EML6: variants seen among roughly 807,000 people sequenced by gnomAD.
EML6 encodes the protein echinoderm microtubule-associated protein-like 6.
EML6 carries 154 observed loss-of-function variants against 240.1 expected under a neutral mutation model. The observed-to-expected ratio is 0.64, with a 90% CI of 0.56 to 0.73. The LOEUF is 0.73. Ranked by LOEUF, EML6 falls within the 30% of genes least tolerant of loss-of-function variation. The probability of loss-of-function intolerance (pLI) is 0.00; values close to 1 mark genes in which losing one functional copy is unlikely to be tolerated. For missense variants in EML6, 2,964 were observed against 2,474.6 expected (o/e 1.20, Z -4.20); for synonymous variants, 1,148 against 899.0 (o/e 1.28, Z -4.95).
intron 2 of EML6, among the ~76,000 whole-genome samples, chr2:54,728,710 T>C (rs993723517): frequency 1.3e-5 from 2 of 152,172 alleles, no homozygotes; most frequent in African/African-American, 4.8e-5. Context: ...TAAATATTCT[T>C]AGTTGTGGTA....
chr2:54,850,611 A>G (rs1320703798), intron 10 of EML6, among the ~76,000 whole-genome samples: 2 of 152,226 alleles, frequency 1.3e-5, no homozygotes, highest in East Asian at 1.9e-4. Flanking sequence ...GGCAAATCTC[A>G]CATGACCAAT....
chr2:54,810,915 T>C (rs1435029343), intron 2 of EML6, among the ~76,000 whole-genome samples: 1 of 152,166 alleles, frequency 6.6e-6, no homozygotes, highest in African/African-American at 2.4e-5. Flanking sequence ...GGCCATCTTT[T>C]CCCAGGATCA....
intron 2 of EML6, among the ~76,000 whole-genome samples, chr2:54,805,894 G>A (rs868603368): frequency 1.3e-5 from 2 of 152,080 alleles, no homozygotes; most frequent in South Asian, 4.1e-4. Context: ...AGCACTGTCT[G>A]TTGAAAAACA....
chr2:54,847,528 C>T lies in EML6; in HGVS notation c.1092C>T (p.Asn364=), dbSNP rs578042715. The change falls in exon 9 of 42, where the codon AAC becomes AAT. Residue 364 remains asparagine (N), a synonymous_variant. Coordinates refer to ENST00000356458, the MANE Select transcript of EML6 (RefSeq NM_001039753.4). ...LADHALIARC[N]MEEAVRSVAF... is the part of the protein sequence containing the mutation. ...ATCATGCCTTGATCGCCCGCTGTAA[C>T]ATGGAAGAGGCGGTTCGCAGTGTAG... 2.6e-6 allele frequency: 4 copies of T among 1,552,120 alleles called. No homozygotes were observed. The highest frequency in any genetic ancestry group is 4.9e-5 in the East Asian group (2 of 40,920).
chr2:54,882,364 G>T (rs899409170), intron 17 of EML6: 1 of 148,412 alleles, frequency 6.7e-6, no homozygotes, highest in Non-Finnish European at 1.5e-5. Flanking sequence ...TCTTATAGAA[G>T]TAGTTACAGG....
Position 54,964,159 on chromosome 2 carries a change from G to C in EML6, c.5330+1G>C. 1 of 1,551,280 alleles carries C rather than the reference G, an allele frequency of 6.4e-7. No individual in the cohort carries two copies. On this transcript the variant is annotated splice_donor_variant, in intron 37 of 41. Coordinates refer to ENST00000356458, the MANE Select transcript of EML6 (RefSeq NM_001039753.4). LOFTEE classifies it high-confidence loss of function. ...GGAAATCTGCTATCCAAGATATCAG[G>C]TACCTAAGTGGGTGGTCTGGGCATG... is the stretch of plus-strand genomic sequence containing the variant.
chr2:54,845,087 G>C (rs751642220), intron 8 of EML6, among the ~76,000 whole-genome samples: 1 of 152,156 alleles, frequency 6.6e-6, no homozygotes, highest in Non-Finnish European at 1.5e-5. Flanking sequence ...CTGGACTAAA[G>C]CTCACTAGTT....
At chr2:54,765,240 T>C (rs1380108847) in intron 2 of EML6, among the ~76,000 whole-genome samples, 1 of 152,188 alleles carries the variant, frequency 6.6e-6, no homozygotes, top group Non-Finnish European at 1.5e-5. Context: ...AGAAATTACT[T>C]ACAAGGGTAT....
Position 54,829,382 on chromosome 2 carries a change from C to G in EML6, c.752C>G (p.Ala251Gly), listed in dbSNP as rs1218749382. Residue 251 changes from alanine (A) to glycine (G), a missense_variant, in exon 7 of 42, where the codon GCC becomes GGC. Coordinates refer to ENST00000356458, the MANE Select transcript of EML6 (RefSeq NM_001039753.4). ...FSMYACEEGF[A>G]TGGRDGCIRL... ...ATGTATGCTTGTGAAGAAGGCTTTG[C>G]CACTGGTGGGCGAGATGGGTGTATA... 1.2e-5 allele frequency: 18 copies of G among 1,551,744 alleles called. No individual in the cohort carries two copies. The highest frequency in any genetic ancestry group is 1.4e-5 in the Non-Finnish European group (16 of 1,146,910).
chr2:54,937,157 A>T (rs892524536), intron 28 of EML6, among the ~76,000 whole-genome samples: 3 of 151,936 alleles, frequency 2.0e-5, no homozygotes, highest in Admixed American at 2.0e-4. Flanking sequence ...ACATGCCTGT[A>T]ATCCCAGCTA....
chr2:54,752,333 AAG>A (rs1051031452), intron 2 of EML6, among the ~76,000 whole-genome samples: 11 of 152,310 alleles, frequency 7.2e-5, no homozygotes, highest in African/African-American at 2.4e-4. Context: ...ATATATAAAA[AAG>A]TATAAAAATT....
At chr2:54,851,657 C>G (rs978954250) in intron 10 of EML6, among the ~76,000 whole-genome samples, 2 of 152,154 alleles carry the variant, frequency 1.3e-5, no homozygotes, top group Non-Finnish European at 2.9e-5. Context: ...TGTTCATGAC[C>G]TGTTTAGTTC....
intron 2 of EML6, among the ~76,000 whole-genome samples, chr2:54,746,369 G>C (rs1386616615): frequency 2.0e-5 from 3 of 152,236 alleles, no homozygotes; most frequent in African/African-American, 7.2e-5. Context: ...TATCTGCTTT[G>C]ATGGAGCAAC....
At chr2:54,864,154 TAA>T (rs760176895) in intron 13 of EML6, among the ~76,000 whole-genome samples, 7 of 152,198 alleles carry the variant, frequency 4.6e-5, no homozygotes, top group African/African-American at 7.2e-5. Context: ...CCCTAGCACC[TAA>T]AACTTTAAAA....
At chr2:54,921,907 C>A (rs1674276725) in intron 26 of EML6, among the ~76,000 whole-genome samples, 1 of 152,014 alleles carries the variant, frequency 6.6e-6, no homozygotes, top group African/African-American at 2.4e-5. Flanking sequence ...TTATCTCACA[C>A]CATTTAAAAA....
At chr2:54,810,818 A>G (rs144178004) in intron 2 of EML6, among the ~76,000 whole-genome samples, 2 of 152,178 alleles carry the variant, frequency 1.3e-5, no homozygotes, top group East Asian at 1.9e-4. Flanking sequence ...AATCTAGTCA[A>G]TCCTCTTCTT....
rs1025351939 is a variant in EML6 at position 54,928,613 on chromosome 2, C to G, written c.3878-12C>G. 1.9e-6 allele frequency: 3 copies of G among 1,552,166 alleles called. No homozygotes were observed. Among genetic ancestry groups the G allele is most frequent in the Non-Finnish European group, 2.6e-6 (3 of 1,147,092 alleles). ...AACCAACTGGCTCCCCAATCTCTTT[C>G]TGTTGTTTGAGGCTATGACAGCGAT... On this transcript the variant is annotated splice_polypyrimidine_tract_variant and intron_variant, in intron 27 of 41. Coordinates refer to ENST00000356458, the MANE Select transcript of EML6 (RefSeq NM_001039753.4).
At chr2:54,945,806 G>C (rs4525734) in intron 28 of EML6, among the ~76,000 whole-genome samples, 88,207 of 152,180 alleles carry the variant, frequency 0.58, 26,606 homozygotes, top group African/African-American at 0.76. Context: ...GTCAGGATAA[G>C]ACTCCCCACA....
intron 7 of EML6, among the ~76,000 whole-genome samples, chr2:54,835,029 G>C (rs1463013937): frequency 1.3e-5 from 2 of 151,970 alleles, no homozygotes; most frequent in Middle Eastern, 3.2e-3. Context: ...CTTCGCCCTG[G>C]CTGCTCCTTC....
Sources: allele counts gnomAD v4.1 joint callset (sites outside exome capture counted in the v4.1 genomes callset), GRCh38; gene constraint gnomAD v4.1.1; transcripts MANE v1.5; gene names NCBI Gene and HGNC (gene_info 2026-07-23, HGNC 2026-07-21).